RNF4: variants seen among roughly 807,000 people sequenced by gnomAD.
RNF4 encodes the protein ring finger protein 4.
Under a neutral mutation model 24.3 loss-of-function variants are expected in RNF4, and 7 were observed. That is an observed-to-expected ratio of 0.29 (90% CI 0.16 to 0.54). RNF4 has a LOEUF of 0.54. Ranked by LOEUF, RNF4 falls within the 20% of genes least tolerant of loss-of-function variation. RNF4 has a pLI of 0.95. For synonymous variants in RNF4, 83 were observed against 84.3 expected (o/e 0.98, Z 0.09); for missense variants, 209 against 248.5 (o/e 0.84, Z 1.07).
intron 4 of RNF4, chr4:2,506,159 A>ACT (rs1458256664): frequency 6.7e-6 from 1 of 149,524 alleles, no homozygotes; most frequent in Non-Finnish European, 1.5e-5. Context: ...AAAAAATTGA[A>ACT]CTAGAACAAA....
At chr4:2,492,537 C>G (rs1735613604) in intron 2 of RNF4, among the ~76,000 whole-genome samples, 1 of 152,180 alleles carries the variant, frequency 6.6e-6, no homozygotes, top group African/African-American at 2.4e-5. Context: ...GTCAGACAGA[C>G]CAGATGTGAA....
At chr4:2,510,097 A>G (rs766396098) in intron 4 of RNF4, among the ~76,000 whole-genome samples, 2 of 152,172 alleles carry the variant, frequency 1.3e-5, no homozygotes, top group Non-Finnish European at 2.9e-5. Context: ...AGGAAAGGGG[A>G]GCACGTTTCA....
Position 2,512,710 on chromosome 4 carries a change from C to A in RNF4, c.374+113C>A. ...TGGCCCTGGAAGGGCTTGCCCAAGCCTCTACCCAGCATCTGGATACAGTTG... is the reference window on the plus strand; with the variant it reads ...TGGCCCTGGAAGGGCTTGCCCAAGCATCTACCCAGCATCTGGATACAGTTG... On this transcript the variant is annotated intron_variant, in intron 6 of 7. Coordinates refer to ENST00000314289, the MANE Select transcript of RNF4 (RefSeq NM_002938.5). This position sits in a 1 kb window ranked among gnomAD's most constrained non-coding sequence, Gnocchi z 4.1. 1 of 1,224,502 alleles carries A rather than the reference C, an allele frequency of 8.2e-7. No homozygotes were observed. The highest frequency in any genetic ancestry group is 1.1e-6 in the Non-Finnish European group (1 of 887,832). 75.9% of individuals were successfully genotyped at this position (1,224,502 alleles called of 1,614,324 possible). A position where few individuals can be genotyped will look rare whatever the true frequency, so the allele number is the denominator to read the frequency against.
At position 2,498,215 on chromosome 4, in the gene RNF4, G is replaced by A. The variant is rs183536929; in HGVS notation, c.124+1094G>A. 4.7e-3 allele frequency among the ~76,000 whole-genome samples: 713 copies of A among 152,168 alleles called. 3 individuals carry two copies. The highest frequency in any genetic ancestry group is 8.2e-3 in the Non-Finnish European group (559 of 67,998). On this transcript the variant is annotated intron_variant, in intron 3 of 7. Coordinates refer to ENST00000314289, the MANE Select transcript of RNF4 (RefSeq NM_002938.5). ...TTGTTTCTGTTTGAGGCAGAGTTTC[G>A]TTCTGTCAGCCAGGTTGGAGTGCAA...
chr4:2,513,219 G>A, intron 7 of RNF4, 88 bp downstream of exon 7: 4 of 1,250,970 alleles, frequency 3.2e-6, no homozygotes, highest in Non-Finnish European at 3.5e-6. Context: ...CCCCTCGGTG[G>A]GATTGGACAC....
chr4:2,499,328 G>A, intron 3 of RNF4: 1 of 449,158 alleles, frequency 2.2e-6, no homozygotes, highest in Non-Finnish European at 4.4e-6. Flanking sequence ...TTTTGCTCTT[G>A]TTGCCCAGGC....
intron 3 of RNF4, chr4:2,499,292 G>GTTGT: frequency 2.2e-6 from 1 of 451,760 alleles, no homozygotes; most frequent in South Asian, 1.6e-5. Context: ...TGTTGTTGTT[G>GTTGT]TTGTTTGTTT....
intron 3 of RNF4, among the ~76,000 whole-genome samples, chr4:2,498,225 C>T (rs993575769): frequency 3.9e-5 from 6 of 152,144 alleles, no homozygotes; most frequent in Non-Finnish European, 8.8e-5. Flanking sequence ...GTTCTGTCAG[C>T]CAGGTTGGAG....
chr4:2,485,962 C>T (rs917559840), intron 1 of RNF4, among the ~76,000 whole-genome samples: 4 of 152,132 alleles, frequency 2.6e-5, no homozygotes, highest in Admixed American at 6.6e-5. Flanking sequence ...GAAAAATCAC[C>T]GTCAGTGTTC....
At chr4:2,505,457 C>G (rs1340755815) in intron 4 of RNF4, 1 of 151,858 alleles carries the variant, frequency 6.6e-6, no homozygotes, top group Non-Finnish European at 1.5e-5. Flanking sequence ...TCCAGAGTAG[C>G]TGGGACTACA....
intron 1 of RNF4, among the ~76,000 whole-genome samples, chr4:2,482,138 C>T (rs745959420): frequency 6.6e-6 from 1 of 152,186 alleles, no homozygotes; most frequent in African/African-American, 2.4e-5. Flanking sequence ...TTTAGGAGCC[C>T]GGAGCCAGAG....
Position 2,494,074 on chromosome 4 carries a change from C to T in RNF4, c.10-2933C>T, listed in dbSNP as rs1202603413. On this transcript the variant is annotated intron_variant, in intron 2 of 7. Coordinates refer to ENST00000314289, the MANE Select transcript of RNF4 (RefSeq NM_002938.5). Reference sequence around the variant, plus strand: ...GCCAGGCTGGTCTTGAACTCCTGACCTCGTGATCCACGAGAATGGGGTAAA... The same window carrying T: ...GCCAGGCTGGTCTTGAACTCCTGACTTCGTGATCCACGAGAATGGGGTAAA... Among the ~76,000 whole-genome samples the T allele has an allele frequency of 3.3e-5, 5 of 152,130 alleles. No individual in the cohort carries two copies. The East Asian group carries it at 7.8e-4, about 24-fold the overall frequency.
intron 4 of RNF4, among the ~76,000 whole-genome samples, chr4:2,511,164 G>T (rs551615660): frequency 6.6e-6 from 1 of 152,360 alleles, no homozygotes; most frequent in East Asian, 1.9e-4. Context: ...GTCAGATGTG[G>T]GCTCTGGTGA....
At chr4:2,492,798 A>C (rs972444201) in intron 2 of RNF4, among the ~76,000 whole-genome samples, 2 of 152,138 alleles carry the variant, frequency 1.3e-5, no homozygotes, top group African/African-American at 2.4e-5. Flanking sequence ...TTGGTGCTTC[A>C]CCTGCAGGTT....
intron 2 of RNF4, among the ~76,000 whole-genome samples, chr4:2,493,112 G>T (rs1027783181): frequency 1.7e-4 from 26 of 152,172 alleles, no homozygotes; most frequent in African/African-American, 6.3e-4. Context: ...AGCCTGTCTT[G>T]AGTGGTGCAG....
At position 2,490,401 on chromosome 4, in the gene RNF4, G is replaced by A; in HGVS notation, c.-93G>A. Reference sequence around the variant, plus strand: ...TTTGCAAGCCAGATGAGTAACCAGAGGGCATGAAAGGTTGAGAACATTTGA... The same window carrying A: ...TTTGCAAGCCAGATGAGTAACCAGAAGGCATGAAAGGTTGAGAACATTTGA... On this transcript the variant is annotated 5_prime_UTR_variant, in exon 2 of 8. Coordinates refer to ENST00000314289, the MANE Select transcript of RNF4 (RefSeq NM_002938.5). 1.6e-6 allele frequency: 2 copies of A among 1,277,148 alleles called. No individual in the cohort carries two copies. The highest frequency in any genetic ancestry group is 2.2e-6 in the Non-Finnish European group (2 of 896,558). 79.1% of individuals were successfully genotyped at this position (1,277,148 alleles called of 1,614,324 possible).
intron 1 of RNF4, among the ~76,000 whole-genome samples, chr4:2,487,145 G>A (rs1389887624): frequency 6.6e-6 from 1 of 152,178 alleles, no homozygotes; most frequent in African/African-American, 2.4e-5. Context: ...AAGCATTTGT[G>A]CTCCGGGCTG....
intron 4 of RNF4, among the ~76,000 whole-genome samples, chr4:2,504,139 G>A (rs1306709956): frequency 6.6e-6 from 1 of 152,226 alleles, no homozygotes; most frequent in Non-Finnish European, 1.5e-5. Flanking sequence ...CCTGAAAAAT[G>A]AAGGGAAATG....
intron 1 of RNF4, among the ~76,000 whole-genome samples, chr4:2,476,128 C>T (rs943540884): frequency 2.0e-5 from 3 of 152,122 alleles, no homozygotes; most frequent in African/African-American, 7.2e-5. Flanking sequence ...CTCCTCTCAC[C>T]AGCTAAGGGA....
Sources: gnomAD v4.1 joint callset for allele counts (sites outside exome capture counted in the v4.1 genomes callset) on GRCh38, gnomAD v4.1.1 for gene constraint, Gnocchi (gnomAD v3.1) non-coding constraint, MANE v1.5 for transcripts, NCBI Gene and HGNC (gene_info 2026-07-23, HGNC 2026-07-21) for gene names.